Variants in TOX2 observed in about 807,000 individuals in gnomAD.
TOX2 encodes TOX high mobility group box family member 2.
Under a neutral mutation model 47.4 loss-of-function variants are expected in TOX2, and 15 were observed. That is an observed-to-expected ratio of 0.32 (90% CI 0.21 to 0.49). The LOEUF is 0.49. TOX2 is among the 20% of genes least tolerant of loss of function. TOX2 has a pLI of 0.99. For synonymous variants in TOX2, 290 were observed against 296.6 expected, an observed-to-expected ratio of 0.98 and a Z score of 0.23; for missense variants, 622 against 673.1, an observed-to-expected ratio of 0.92 and a Z score of 0.84.
chr20:44,063,919 A>C (rs1158598489), intron 5 of TOX2, among the ~76,000 whole-genome samples: 1 of 152,200 alleles, frequency 6.6e-6, no homozygotes, highest in Non-Finnish European at 1.5e-5. Flanking sequence ...ATGGAAAACC[A>C]AACATTGTAT....
rs1351304051 is a variant in TOX2, at chr20:43,915,928, C to G, written c.99+938C>G. On this transcript the variant is annotated intron_variant, in intron 1 of 8. Transcript: ENST00000341197. The surrounding 1 kb of genome is among the most constrained non-coding windows in gnomAD (Gnocchi z 7.1). The stretch of plus-strand genomic sequence containing the variant: ...TTCCCAGTGATGGAGGCTTGCGTGC[C>G]TGGAACCCCGAACCCGAGGCGTCAG... 4.6e-5 allele frequency among the ~76,000 whole-genome samples: 7 copies of G among 152,260 alleles called. No individual in the cohort carries two copies. The highest frequency in any genetic ancestry group is 2.9e-5 in the Non-Finnish European group (2 of 68,038).
At chr20:44,052,066 G>A (rs2071522179) in intron 4 of TOX2, among the ~76,000 whole-genome samples, 1 of 152,222 alleles carries the variant, frequency 6.6e-6, no homozygotes, top group Admixed American at 6.5e-5. Flanking sequence ...ATGGCCATTT[G>A]GCCCTTTTAG....
In TOX2 at chr20:43,952,372, G is replaced by C. The variant is rs148009856; in HGVS notation, c.100-20995G>C. 5.9e-5 allele frequency among the ~76,000 whole-genome samples: 9 copies of C among 152,206 alleles called. No individual in the cohort carries two copies. The East Asian group carries it at 1.5e-3, about 26-fold the overall frequency. On this transcript the variant is annotated intron_variant, in intron 1 of 8. Transcript: ENST00000341197. The stretch of plus-strand genomic sequence containing the variant: ...CTGAGCATGTTAGGGTTATGCTGCC[G>C]TAACAACCCCCTGAATCTCAGTTGC...
intron 2 of TOX2, among the ~76,000 whole-genome samples, chr20:43,996,043 C>T (rs2070472480): frequency 6.6e-6 from 1 of 152,154 alleles, no homozygotes; most frequent in Non-Finnish European, 1.5e-5. Context: ...AATGGGATTG[C>T]TGGGTTGAAT....
chr20:43,976,994 A>G (rs866713298), intron 2 of TOX2, among the ~76,000 whole-genome samples: 1 of 152,244 alleles, frequency 6.6e-6, no homozygotes, highest in African/African-American at 2.4e-5. Flanking sequence ...ACAGTTAAAT[A>G]CAAGGTTCAC....
chr20:44,051,211 C>G, intron 3 of TOX2, 95 bp from the exon 4 acceptor site: 1 of 1,503,072 alleles, frequency 6.7e-7, no homozygotes, highest in Non-Finnish European at 8.9e-7. Flanking sequence ...CATCACTTCT[C>G]CTCTGCATTC....
intron 1 of TOX2, among the ~76,000 whole-genome samples, chr20:43,928,860 C>A (rs975191235): frequency 6.6e-6 from 1 of 151,626 alleles, no homozygotes; most frequent in Non-Finnish European, 1.5e-5. Flanking sequence ...TGGGGCCGGG[C>A]GTGGTGGCTC....
intron 2 of TOX2, among the ~76,000 whole-genome samples, chr20:44,001,331 G>A (rs1237327559): frequency 6.6e-6 from 1 of 152,164 alleles, no homozygotes; most frequent in African/African-American, 2.4e-5. Flanking sequence ...CTTCTCTACA[G>A]AACACATATG....
At chr20:43,946,110 A>G in intron 1 of TOX2, 1 of 1,584,472 alleles carries the variant, frequency 6.3e-7, no homozygotes, top group Non-Finnish European at 8.6e-7. Flanking sequence ...AAGATAGGTG[A>G]TGTCTGGATG....
intron 2 of TOX2, 90 bp downstream of exon 2, chr20:43,973,522 T>C (rs1229177777): frequency 9.9e-5 from 113 of 1,142,558 alleles, no homozygotes; most frequent in Non-Finnish European, 2.1e-5. Context: ...GGGTGCAGAA[T>C]GGGGCCAGCA....
intron 2 of TOX2, among the ~76,000 whole-genome samples, chr20:43,985,609 C>G (rs1200717440): frequency 6.6e-6 from 1 of 152,138 alleles, no homozygotes; most frequent in African/African-American, 2.4e-5. Context: ...TGGTACATAG[C>G]AATTGGTAGT....
chr20:43,933,319 A>G (rs1350852399), intron 1 of TOX2, among the ~76,000 whole-genome samples: 2 of 152,198 alleles, frequency 1.3e-5, no homozygotes, highest in Non-Finnish European at 2.9e-5. Context: ...TGTGGTTAAT[A>G]CCCAGGTTAG....
At chr20:43,952,716 G>A (rs1485435193) in intron 1 of TOX2, among the ~76,000 whole-genome samples, 2 of 152,170 alleles carry the variant, frequency 1.3e-5, no homozygotes, top group East Asian at 3.9e-4. Context: ...CCAGATATTG[G>A]AGAGCAGTAG....
intron 1 of TOX2, among the ~76,000 whole-genome samples, chr20:43,955,802 C>T (rs1047442270): frequency 3.9e-5 from 6 of 152,164 alleles, no homozygotes; most frequent in African/African-American, 1.4e-4. Context: ...TTGTGTTAGC[C>T]AGTGTTTCTT....
At chr20:43,928,411 G>A (rs756404608) in intron 1 of TOX2, among the ~76,000 whole-genome samples, 18 of 152,180 alleles carry the variant, frequency 1.2e-4, no homozygotes, top group Non-Finnish European at 2.5e-4. Context: ...GGGCCTGGCC[G>A]CCCACTTGCA....
intron 2 of TOX2, among the ~76,000 whole-genome samples, chr20:43,974,821 G>GC (rs971715552): frequency 5.3e-5 from 8 of 152,190 alleles, no homozygotes; most frequent in Non-Finnish European, 1.0e-4. Flanking sequence ...AGGGTGCTGC[G>GC]CCCCCTCCCC....
chr20:43,957,882 G>A (rs1018525703), intron 1 of TOX2, among the ~76,000 whole-genome samples: 17 of 152,082 alleles, frequency 1.1e-4, no homozygotes, highest in Non-Finnish European at 2.2e-4. Flanking sequence ...GTGGGGAAGC[G>A]TTACACACTT....
rs1555841868 is a variant in TOX2, at chr20:44,023,431, G to GGGAAAAA, written c.411+16639_411+16640insGGAAAAA. Among the ~76,000 whole-genome samples the GGGAAAAA allele has an allele frequency of 5.9e-5, 7 of 119,148 alleles. 1 individual carries two copies. Among genetic ancestry groups the GGGAAAAA allele is most frequent in the African/African-American group, 1.7e-4 (5 of 29,438 alleles). The allele number at this position is 119,148 out of a possible 152,430, so 78.2% of individuals were successfully genotyped here. A position where few individuals can be genotyped will look rare whatever the true frequency, so the allele number is the denominator to read the frequency against. ...GGTGACAGAGCTAGACTTTATCTCA[G>GGGAAAAA]AAAAAAAAAAAAAAAAAAAGGAGGG... On this transcript the variant is annotated intron_variant, in intron 3 of 8. Coordinates refer to ENST00000341197, the MANE Select transcript of TOX2 (RefSeq NM_001098797.2).
intron 3 of TOX2, among the ~76,000 whole-genome samples, chr20:44,015,368 T>C (rs923906029): frequency 6.6e-6 from 1 of 152,252 alleles, no homozygotes. Context: ...CGCTCCGTTT[T>C]CTTACCCTGA....
Sources: gnomAD v4.1 joint callset for allele counts (sites outside exome capture counted in the v4.1 genomes callset) on GRCh38, gnomAD v4.1.1 for gene constraint, Gnocchi (gnomAD v3.1) non-coding constraint, MANE v1.5 for transcripts, NCBI Gene and HGNC (gene_info 2026-07-23, HGNC 2026-07-21) for gene names.